The following SLC35F1 variants were observed in gnomAD, a reference collection of about 807,000 sequenced individuals.
The protein encoded by SLC35F1 is chromosome 6 open reading frame 169.
A neutral mutation model predicts 48.7 loss-of-function variants in SLC35F1; 14 were observed. The ratio of observed to expected loss-of-function variants is 0.29; its 90% confidence interval spans 0.19 to 0.45. SLC35F1 has a LOEUF of 0.45. Among genes scored for constraint, SLC35F1 ranks in the 20% least tolerant of loss-of-function variants. The pLI is 1.00. For missense variants in SLC35F1, 404 were observed against 500.0 expected, an observed-to-expected ratio of 0.81 and a Z score of 1.83; for synonymous variants, 190 against 202.2, an observed-to-expected ratio of 0.94 and a Z score of 0.51.
Position 118,235,720 on chromosome 6 carries a change from T to G in SLC35F1, c.477+84T>G, listed in dbSNP as rs543738488. 6 of 1,406,354 alleles carry G rather than the reference T, an allele frequency of 4.3e-6. No homozygotes were observed. The East Asian group carries it at 9.3e-5, about 22-fold the overall frequency. 87.1% of individuals were successfully genotyped at this position (1,406,354 alleles called of 1,614,324 possible). ...GTTTAGTCCTTGAAAATCTCTATAC[T>G]ACAAGTTACTATCTGTATACTATAC... On this transcript the variant is annotated intron_variant, in intron 3 of 7. Transcript: ENST00000360388.
chr6:118,311,353 C>A (rs1205247975), intron 7 of SLC35F1, among the ~76,000 whole-genome samples: 1 of 151,988 alleles, frequency 6.6e-6, no homozygotes, highest in Non-Finnish European at 1.5e-5. Flanking sequence ...ATGTTTCTTT[C>A]TTTAGTCTGA....
At chr6:118,123,247 C>T (rs987636838) in intron 1 of SLC35F1, among the ~76,000 whole-genome samples, 6 of 152,094 alleles carry the variant, frequency 3.9e-5, no homozygotes, top group African/African-American at 1.4e-4. Context: ...AAGGCAGTCA[C>T]CCAGAAGATT....
intron 1 of SLC35F1, among the ~76,000 whole-genome samples, chr6:118,078,466 C>T (rs1265803165): frequency 2.0e-5 from 3 of 152,088 alleles, no homozygotes; most frequent in Non-Finnish European, 4.4e-5. Flanking sequence ...CCATTTCTGA[C>T]TGAGGGCCAA....
intron 1 of SLC35F1, among the ~76,000 whole-genome samples, chr6:118,070,142 C>CAAAAAAAA (rs61496169): frequency 1.1e-4 from 9 of 78,666 alleles, no homozygotes; most frequent in Admixed American, 8.9e-4. Flanking sequence ...GACTCCGTCT[C>CAAAAAAAA]AAAAAAAAAA....
intron 1 of SLC35F1, among the ~76,000 whole-genome samples, chr6:118,088,993 G>T (rs774968322): frequency 4.6e-5 from 7 of 152,158 alleles, no homozygotes; most frequent in Non-Finnish European, 7.4e-5. Context: ...ACATTGCACA[G>T]TTGGGGGTCC....
intron 1 of SLC35F1, among the ~76,000 whole-genome samples, chr6:117,992,524 G>C (rs775041112): frequency 2.7e-4 from 41 of 152,124 alleles, no homozygotes; most frequent in Admixed American, 1.4e-3. Flanking sequence ...TGTCTCCTCA[G>C]CTAAGCAGGT....
chr6:118,242,642 C>T (rs1458909621), intron 3 of SLC35F1, among the ~76,000 whole-genome samples: 1 of 152,148 alleles, frequency 6.6e-6, no homozygotes, highest in African/African-American at 2.4e-5. Flanking sequence ...TTCAAAGCTA[C>T]GCTATTTTTA....
intron 1 of SLC35F1, among the ~76,000 whole-genome samples, chr6:118,045,008 C>T (rs1016503934): frequency 3.3e-5 from 5 of 152,148 alleles, no homozygotes; most frequent in Admixed American, 6.6e-5. Context: ...GTATTTTAAA[C>T]GCTTCCAAAT....
chr6:118,118,612 T>A (rs1430414402), intron 1 of SLC35F1, among the ~76,000 whole-genome samples: 3 of 152,208 alleles, frequency 2.0e-5, no homozygotes, highest in Admixed American at 2.0e-4. Context: ...TTGTGAGACA[T>A]CTCTTCAGAT....
intron 1 of SLC35F1, among the ~76,000 whole-genome samples, chr6:117,932,145 C>A (rs1263381134): frequency 6.6e-6 from 1 of 152,230 alleles, no homozygotes; most frequent in East Asian, 1.9e-4. Flanking sequence ...TGTGTGAGGA[C>A]GCAGCAAAAT....
At chr6:117,920,657 G>A (rs1377278184) in intron 1 of SLC35F1, among the ~76,000 whole-genome samples, 1 of 152,120 alleles carries the variant, frequency 6.6e-6, no homozygotes, top group Non-Finnish European at 1.5e-5. Flanking sequence ...TTGAAGTTGT[G>A]TTTGCATATC....
At chr6:118,237,356 C>A (rs867060002) in intron 3 of SLC35F1, among the ~76,000 whole-genome samples, 2 of 140,296 alleles carry the variant, frequency 1.4e-5, no homozygotes, top group South Asian at 2.3e-4. Context: ...CACACACACA[C>A]AAAATGGTTG....
rs574413011 is a variant in SLC35F1 at position 118,278,468 on chromosome 6, C to T, written c.847+922C>T. ...CCGTGCATCACTTTACCTACCTGTC[C>T]CCATCCCCTAAGCATATGAGGCCAA... On this transcript the variant is annotated intron_variant, in intron 6 of 7. Transcript: ENST00000360388. Among the ~76,000 whole-genome samples, 3 of 152,274 alleles carry T rather than the reference C, an allele frequency of 2.0e-5. No individual in the cohort carries two copies. In the South Asian group the frequency reaches 6.2e-4, roughly 32 times the overall value.
chr6:118,015,942 C>A (rs994735832), intron 1 of SLC35F1, among the ~76,000 whole-genome samples: 2 of 152,152 alleles, frequency 1.3e-5, no homozygotes, highest in Non-Finnish European at 2.9e-5. Flanking sequence ...GCTAAGAAAT[C>A]CAGTTATTTG....
intron 2 of SLC35F1, among the ~76,000 whole-genome samples, chr6:118,198,402 G>A (rs1229648627): frequency 1.3e-5 from 2 of 152,054 alleles, no homozygotes; most frequent in East Asian, 1.9e-4. Context: ...AATAAAAGGA[G>A]GCCCTATTAT....
At chr6:118,180,547 G>T (rs1291526333) in intron 2 of SLC35F1, among the ~76,000 whole-genome samples, 1 of 152,046 alleles carries the variant, frequency 6.6e-6, no homozygotes, top group Non-Finnish European at 1.5e-5. Flanking sequence ...TTCTAGAAAT[G>T]AAAATGTAAT....
intron 1 of SLC35F1, among the ~76,000 whole-genome samples, chr6:118,079,084 C>T (rs1198620939): frequency 6.6e-6 from 1 of 152,086 alleles, no homozygotes; most frequent in Non-Finnish European, 1.5e-5. Context: ...TGTGTGTGTA[C>T]AATTCAATGT....
intron 1 of SLC35F1, among the ~76,000 whole-genome samples, chr6:118,048,277 G>A (rs969274120): frequency 1.3e-5 from 2 of 151,946 alleles, no homozygotes; most frequent in South Asian, 2.1e-4. Context: ...TGCTGGATTC[G>A]GTTTGCCAGT....
rs182064468 is a variant in SLC35F1, at chr6:118,165,468, A to G, written c.349+10848A>G. ...TCATGTCTGGAGTAAAACACTCCCA[A>G]GTTACTATTCTTTGCTCAAGAAAAG... On this transcript the variant is annotated intron_variant, in intron 2 of 7. Coordinates refer to ENST00000360388, the MANE Select transcript of SLC35F1 (RefSeq NM_001029858.4). Among the ~76,000 whole-genome samples, 200 of 152,324 alleles carry G rather than the reference A, an allele frequency of 1.3e-3. 2 individuals are homozygous for G. Among genetic ancestry groups the G allele is most frequent in the Admixed American group, 0.011 (172 of 15,292 alleles).
Sources: gnomAD v4.1 joint callset for allele counts (sites outside exome capture counted in the v4.1 genomes callset) on GRCh38, gnomAD v4.1.1 for gene constraint, MANE v1.5 for transcripts, NCBI Gene and HGNC (gene_info 2026-07-23, HGNC 2026-07-21) for gene names.